PHACTR1: variants seen among roughly 807,000 people sequenced by gnomAD.
The protein encoded by PHACTR1 is phosphatase and actin regulator 1.
In PHACTR1, 16 loss-of-function variants were observed where a neutral mutation model predicts 69.2. The ratio of observed to expected loss-of-function variants is 0.23; its 90% CI spans 0.16 to 0.35. The LOEUF (loss-of-function observed/expected upper bound fraction) is 0.35. Among genes scored for constraint, PHACTR1 ranks in the 10% least tolerant of loss-of-function variants. PHACTR1 has a pLI of 1.00. For missense variants in PHACTR1, 510 were observed against 734.7 expected (o/e 0.69, Z 3.54); for synonymous variants, 312 against 284.5 (o/e 1.10, Z -0.97).
rs554963118 is a variant in PHACTR1, at chr6:13,092,332, C to G, written c.415+38803C>G. On this transcript the variant is annotated intron_variant, in intron 5 of 14. Coordinates refer to ENST00000332995, the MANE Select transcript of PHACTR1 (RefSeq NM_030948.6). ...TTCATTCTTTTGTATACAATTTGTT[C>G]TTTTAACAAATATTTCTTGAACAGT... Among the ~76,000 whole-genome samples, 175 of 152,252 alleles carry G rather than the reference C, an allele frequency of 1.1e-3. 1 individual carries two copies. The highest frequency in any genetic ancestry group is 5.3e-4 in the Non-Finnish European group (36 of 68,014).
At chr6:13,278,427 G>A (rs1258731828) in intron 12 of PHACTR1, 98 bp downstream of exon 12, 5 of 1,055,742 alleles carry the variant, frequency 4.7e-6, no homozygotes, top group East Asian at 2.6e-5. Flanking sequence ...CCGCTGCCTG[G>A]TTCCTCTCCT....
At chr6:13,035,602 A>G (rs1803189149) in intron 4 of PHACTR1, among the ~76,000 whole-genome samples, 1 of 152,194 alleles carries the variant, frequency 6.6e-6, no homozygotes. Flanking sequence ...TTATAATACT[A>G]ATATTTGCTG....
chr6:12,919,532 T>C (rs1229254514), intron 4 of PHACTR1, among the ~76,000 whole-genome samples: 4 of 152,210 alleles, frequency 2.6e-5, no homozygotes, highest in African/African-American at 9.6e-5. Context: ...ATCTAGAAGT[T>C]GTGTTTCAGA....
In PHACTR1 at chr6:13,278,322, C is replaced by A; in HGVS notation, c.1502C>A (p.Thr501Asn). The change falls in exon 12 of 15, where the codon ACC (threonine) becomes AAC (asparagine). Residue 501 changes from threonine to asparagine, a missense_variant. Thr to Asn is a moderately conservative substitution (Grantham distance 65, BLOSUM62 0). Transcript: ENST00000332995. ...EEKREIKRRL[T>N]RKLSQRPTVE... ...AAGAGAGAGATCAAGAGGAGGCTAACCCGAAAGGTAGGTGGTTCTCCATGC... is the reference window on the plus strand; with the variant it reads ...AAGAGAGAGATCAAGAGGAGGCTAAACCGAAAGGTAGGTGGTTCTCCATGC... 2 of 1,598,372 alleles carry A rather than the reference C, an allele frequency of 1.3e-6. No individual in the cohort carries two copies. The highest frequency in any genetic ancestry group is 2.3e-5 in the South Asian group (2 of 88,300).
chr6:13,272,915 C>A lies in PHACTR1; in HGVS notation c.1447C>A (p.Pro483Thr). 6.2e-7 allele frequency: 1 copy of A among 1,614,000 alleles called. No individual in the cohort carries two copies. Among genetic ancestry groups the A allele is most frequent in the Non-Finnish European group, 8.5e-7 (1 of 1,179,892 alleles). ...EELEQRNILKPRNEQEEQEEK... is the reference protein window; with the variant it reads ...EELEQRNILKTRNEQEEQEEK... ...ACTGGAACAGAGGAACATTTTGAAA[C>A]GTAAGTGACTAAGCCCATGGCAATC... The change falls in exon 11 of 15, where the codon CCT becomes ACT. Residue 483 changes from proline to threonine, a missense_variant and splice_region_variant. Pro to Thr is a conservative substitution (Grantham distance 38). Coordinates refer to ENST00000332995, the MANE Select transcript of PHACTR1 (RefSeq NM_030948.6).
intron 4 of PHACTR1, among the ~76,000 whole-genome samples, chr6:12,855,685 A>G (rs1193615509): frequency 6.6e-6 from 1 of 152,156 alleles, no homozygotes; most frequent in Non-Finnish European, 1.5e-5. Flanking sequence ...AAATCTTCCT[A>G]TTGGGTATTA....
In PHACTR1 at chr6:12,885,870, G is replaced by A. The variant is rs541221833; in HGVS notation, c.250+136080G>A. Among the ~76,000 whole-genome samples, 6 of 152,290 alleles carry A rather than the reference G, an allele frequency of 3.9e-5. No homozygotes were observed. In the East Asian group the frequency reaches 5.8e-4, roughly 15 times the overall value. ...GGCACTTTGGGAGGCCGAGGCGGGC[G>A]TATCACCTGAGGTCAGGAGTTCAAG... On this transcript the variant is annotated intron_variant, in intron 4 of 14. Coordinates refer to ENST00000332995, the MANE Select transcript of PHACTR1 (RefSeq NM_030948.6).
chr6:13,186,236 C>T (rs545935424), intron 7 of PHACTR1, among the ~76,000 whole-genome samples: 1 of 152,316 alleles, frequency 6.6e-6, no homozygotes, highest in South Asian at 2.1e-4. Context: ...TCCTTCTAGG[C>T]AATATCCACT....
chr6:12,940,659 TC>T (rs1789967354), intron 4 of PHACTR1, among the ~76,000 whole-genome samples: 2 of 152,344 alleles, frequency 1.3e-5, no homozygotes, highest in Admixed American at 1.3e-4. Context: ...ATACATCTCA[TC>T]CTGGCTTTGA....
chr6:13,223,040 AAT>A (rs1768933609), intron 8 of PHACTR1, among the ~76,000 whole-genome samples: 1 of 152,248 alleles, frequency 6.6e-6, no homozygotes. Flanking sequence ...CAAATATAAA[AAT>A]ATATCTTAAC....
At chr6:13,123,113 A>C (rs1267962607) in intron 5 of PHACTR1, among the ~76,000 whole-genome samples, 1 of 152,196 alleles carries the variant, frequency 6.6e-6, no homozygotes, top group Non-Finnish European at 1.5e-5. Context: ...AAAAGAGTGA[A>C]AGAATAAATA....
intron 4 of PHACTR1, among the ~76,000 whole-genome samples, chr6:12,799,880 C>T (rs372541556): frequency 2.0e-5 from 3 of 152,124 alleles, no homozygotes; most frequent in African/African-American, 7.2e-5. Context: ...GCTGGTATAA[C>T]CCAGAACTCA....
chr6:12,779,652 A>G (rs1200782581), intron 4 of PHACTR1, among the ~76,000 whole-genome samples: 56 of 152,128 alleles, frequency 3.7e-4, no homozygotes, highest in Admixed American at 3.5e-3. Flanking sequence ...AAGTAATCAA[A>G]CCCTAATTTC....
At chr6:12,983,656 C>G (rs1476603854) in intron 4 of PHACTR1, among the ~76,000 whole-genome samples, 1 of 152,130 alleles carries the variant, frequency 6.6e-6, no homozygotes, top group Non-Finnish European at 1.5e-5. Flanking sequence ...ATTAACTCAT[C>G]ATTTACATTA....
chr6:12,722,794 C>T (rs1212262541), intron 3 of PHACTR1, among the ~76,000 whole-genome samples: 2 of 152,180 alleles, frequency 1.3e-5, no homozygotes, highest in Non-Finnish European at 2.9e-5. Context: ...CTCCTGTTTG[C>T]CTCCTGTCAG....
At chr6:12,867,267 C>G (rs900723813) in intron 4 of PHACTR1, among the ~76,000 whole-genome samples, 1 of 152,192 alleles carries the variant, frequency 6.6e-6, no homozygotes, top group Admixed American at 6.5e-5. Context: ...ACCTGACTGT[C>G]TTCTGCATCT....
At chr6:12,798,258 G>A (rs976008212) in intron 4 of PHACTR1, among the ~76,000 whole-genome samples, 3 of 152,172 alleles carry the variant, frequency 2.0e-5, no homozygotes, top group Non-Finnish European at 4.4e-5. Flanking sequence ...CAGAAATCTG[G>A]AGGTTGAGTG....
At chr6:12,724,878 T>G (rs966350763) in intron 3 of PHACTR1, among the ~76,000 whole-genome samples, 4 of 152,110 alleles carry the variant, frequency 2.6e-5, no homozygotes, top group Non-Finnish European at 5.9e-5. Flanking sequence ...GAAAATACAT[T>G]AAAAGGCAGC....
In PHACTR1 at chr6:12,877,756, T is replaced by C. The variant is rs151305502; in HGVS notation, c.250+127966T>C. Reference sequence around the variant, plus strand: ...TTCATGTCCCCACGCTGTGACACTTTCTCTAATTCCCCCAAGATCTTCCTT... The same window carrying C: ...TTCATGTCCCCACGCTGTGACACTTCCTCTAATTCCCCCAAGATCTTCCTT... On this transcript the variant is annotated intron_variant, in intron 4 of 14. Coordinates refer to ENST00000332995, the MANE Select transcript of PHACTR1 (RefSeq NM_030948.6). Among the ~76,000 whole-genome samples the C allele has an allele frequency of 2.2e-3, 328 of 152,342 alleles. 1 individual carries two copies. Among genetic ancestry groups the C allele is most frequent in the South Asian group, 5.0e-3 (24 of 4,824 alleles).
Sources: gnomAD v4.1 joint callset for allele counts (sites outside exome capture counted in the v4.1 genomes callset) on GRCh38, gnomAD v4.1.1 for gene constraint, MANE v1.5 for transcripts, NCBI Gene and HGNC (gene_info 2026-07-23, HGNC 2026-07-21) for gene names.